The following TTC3 variants were observed in gnomAD, a reference collection of about 807,000 sequenced individuals.
The protein encoded by TTC3 is E3 ubiquitin-protein ligase TTC3.
TTC3 carries 180 observed loss-of-function variants against 249.6 expected under a neutral mutation model. The observed-to-expected ratio is 0.72, with a 90% confidence interval of 0.64 to 0.82. The LOEUF (loss-of-function observed/expected upper bound fraction) is 0.82, where lower values mean the gene tolerates loss of function less well. TTC3 is among the 40% of genes least tolerant of loss of function. The pLI, the probability that TTC3 is intolerant of heterozygous loss-of-function variation, is 0.00. For synonymous variants in TTC3, 717 were observed against 805.0 expected, an observed-to-expected ratio of 0.89 and a Z score of 1.85; for missense variants, 2,061 against 2,398.4, an observed-to-expected ratio of 0.86 and a Z score of 2.94.
chr21:37,175,099 CAAAAAAAAA>C (rs11375399), intron 35 of TTC3, among the ~76,000 whole-genome samples: 1 of 130,076 alleles, frequency 7.7e-6, no homozygotes, highest in Non-Finnish European at 1.6e-5. Context: ...ACTAAAAATA[CAAAAAAAAA>C]AAAAAATTAG....
chr21:37,075,411 G>A (rs539594848), intron 1 of TTC3, among the ~76,000 whole-genome samples: 1 of 152,286 alleles, frequency 6.6e-6, no homozygotes, highest in East Asian at 1.9e-4. Context: ...GGAAGTTTCT[G>A]TAGGAAGTAC....
chr21:37,160,918 T>G, intron 30 of TTC3, 60 bp downstream of exon 30: 2 of 1,509,860 alleles, frequency 1.3e-6, no homozygotes, highest in South Asian at 2.4e-5. Context: ...TAGTTGGACA[T>G]ATACATTAGA....
exon 25 of TTC3, chr21:37,150,840 A>G (rs537264054): frequency 1.2e-6 from 2 of 1,611,632 alleles, no homozygotes; most frequent in South Asian, 2.2e-5. Flanking sequence ...AGGTCATAAA[A>G]GAAAAGGTTC....
intron 35 of TTC3, among the ~76,000 whole-genome samples, chr21:37,176,019 C>A (rs1477738986): frequency 1.3e-5 from 2 of 152,182 alleles, no homozygotes; most frequent in African/African-American, 4.8e-5. Context: ...GATCCTCCCA[C>A]CTCGGCTTCC....
exon 46 of TTC3, chr21:37,201,511 G>T: frequency 6.2e-7 from 1 of 1,614,042 alleles, no homozygotes; most frequent in South Asian, 1.1e-5. Context: ...TGACAGAAGA[G>T]TCACCTTCTG....
rs551135546 is a variant in TTC3, at chr21:37,073,729, C to G, written c.-12+365C>G. Among the ~76,000 whole-genome samples the G allele has an allele frequency of 8.8e-3, 1,340 of 152,184 alleles. 10 individuals are homozygous for G. The highest frequency in any genetic ancestry group is 0.015 in the Non-Finnish European group (1,048 of 68,000). ...GGCTGACACCTCCGCTGGGTGGAGG[C>G]GCTCGCGTGTCGCCTCGTCGCCCCT... is the stretch of plus-strand genomic sequence containing the variant. On this transcript the variant is annotated intron_variant, in intron 1 of 45. Transcript: ENST00000355666.
chr21:37,123,281 A>G (rs1420439085), intron 13 of TTC3, among the ~76,000 whole-genome samples: 1 of 152,090 alleles, frequency 6.6e-6, no homozygotes, highest in East Asian at 1.9e-4. Flanking sequence ...GAGGGGTGAA[A>G]TGTTAATTGG....
chr21:37,080,630 A>G (rs551930860), intron 1 of TTC3, among the ~76,000 whole-genome samples: 1 of 152,180 alleles, frequency 6.6e-6, no homozygotes, highest in South Asian at 2.1e-4. Flanking sequence ...GTTCTTCTGT[A>G]TTTTGAGACT....
intron 15 of TTC3, among the ~76,000 whole-genome samples, chr21:37,127,931 C>CT (rs71198853): frequency 6.6e-6 from 1 of 151,986 alleles, no homozygotes; most frequent in African/African-American, 2.4e-5. Context: ...GAGGATAAAA[C>CT]TTTTTTTTGG....
Position 37,095,346 on chromosome 21 carries a change from T to C in TTC3, c.688-4T>C, listed in dbSNP as rs943306107. Reference sequence around the variant, plus strand: ...ATGGGTCTTCTTTCACCTTGGTTTCTCAGGAAGGAGAACTAATGAAAATGA... The same window carrying C: ...ATGGGTCTTCTTTCACCTTGGTTTCCCAGGAAGGAGAACTAATGAAAATGA... On this transcript the variant is annotated splice_polypyrimidine_tract_variant and splice_region_variant and intron_variant, in intron 8 of 45. Coordinates refer to ENST00000355666, the Ensembl canonical transcript of TTC3. 15 of 1,594,830 alleles carry C rather than the reference T, an allele frequency of 9.4e-6. No homozygotes were observed. Among genetic ancestry groups the C allele is most frequent in the Non-Finnish European group, 1.3e-5 (15 of 1,171,792 alleles).
chr21:37,135,540 T>G (rs1404609464), intron 18 of TTC3, 26 bp downstream of exon 18: 4 of 1,606,000 alleles, frequency 2.5e-6, no homozygotes, highest in South Asian at 1.1e-5. Flanking sequence ...CATAACTTGT[T>G]TATCAATGCT....
exon 32 of TTC3, chr21:37,164,157 G>A (rs1163044529): frequency 6.2e-7 from 1 of 1,613,156 alleles, no homozygotes; most frequent in African/African-American, 1.3e-5. Context: ...CGAATATGTT[G>A]TCCGCAATAA....
At chr21:37,200,211 C>G in intron 44 of TTC3, 21 bp from the exon 45 acceptor site, 1 of 1,611,718 alleles carries the variant, frequency 6.2e-7, no homozygotes, top group Non-Finnish European at 8.5e-7. Flanking sequence ...CTTTACTATT[C>G]AGGTGTGTTT....
At chr21:37,082,827 TTAG>T in intron 1 of TTC3, 4 of 967,500 alleles carry the variant, frequency 4.1e-6, no homozygotes, top group Non-Finnish European at 4.9e-6. Flanking sequence ...ATATTTAATT[TTAG>T]TAGTATATTT....
intron 11 of TTC3, among the ~76,000 whole-genome samples, chr21:37,116,276 T>G (rs2076135220): frequency 2.0e-5 from 3 of 152,160 alleles, no homozygotes; most frequent in African/African-American, 7.2e-5. Flanking sequence ...CAATAAAACA[T>G]AGGCTGGAAA....
chr21:37,117,847 A>AG (rs1434871351), intron 11 of TTC3, among the ~76,000 whole-genome samples: 4 of 151,084 alleles, frequency 2.6e-5, no homozygotes, highest in African/African-American at 9.7e-5. Flanking sequence ...AAAAAAAAAA[A>AG]AAAAAAGAAA....
chr21:37,202,044 T>C (rs2085548978), exon 46 of TTC3: 1 of 152,502 alleles, frequency 6.6e-6, no homozygotes, highest in Non-Finnish European at 1.5e-5. Context: ...CCTATATTTT[T>C]CCTCAAAGAT....
chr21:37,179,716 G>A (rs1244352517), intron 35 of TTC3, among the ~76,000 whole-genome samples: 1 of 151,980 alleles, frequency 6.6e-6, no homozygotes, highest in Non-Finnish European at 1.5e-5. Context: ...GTATTGCCAA[G>A]GTAGAACTCC....
chr21:37,148,959 G>A (rs1407893341), intron 23 of TTC3, among the ~76,000 whole-genome samples: 2 of 152,040 alleles, frequency 1.3e-5, no homozygotes, highest in Non-Finnish European at 2.9e-5. Flanking sequence ...AAAGTGCTGG[G>A]ATTATAGGCA....
Sources: allele counts gnomAD v4.1 joint callset (sites outside exome capture counted in the v4.1 genomes callset), GRCh38; gene constraint gnomAD v4.1.1; transcripts MANE v1.5; gene names NCBI Gene and HGNC (gene_info 2026-07-23, HGNC 2026-07-21).